DOCK5: variants seen among roughly 807,000 people sequenced by gnomAD.
DOCK5 encodes the protein dedicator of cytokinesis protein 5.
Under a neutral mutation model 251.8 loss-of-function variants are expected in DOCK5, and 142 were observed. The observed-to-expected ratio is 0.56, with a 90% CI of 0.49 to 0.65. The LOEUF is 0.65. Ranked by LOEUF, DOCK5 falls within the 30% of genes least tolerant of loss-of-function variation. The pLI is 0.00. For synonymous variants in DOCK5, 842 were observed against 835.5 expected (o/e 1.01, Z -0.13); for missense variants, 2,111 against 2,312.3 (o/e 0.91, Z 1.79).
At chr8:25,409,680 C>T (rs2117350119) in intron 50 of DOCK5, 1 of 156,034 alleles carries the variant, frequency 6.4e-6, no homozygotes. Flanking sequence ...CCCATCTGTA[C>T]TAAAAAATAC....
chr8:25,194,733 C>G lies in DOCK5; in HGVS notation c.43+9782C>G, dbSNP rs138035980. On this transcript the variant is annotated intron_variant, in intron 1 of 51. Transcript: ENST00000276440. Reference sequence around the variant, plus strand: ...GTTTGGATCCTCTCTAACCCCAGAACCGCACTTTCCCCAGTTTCTTGCTGT... The same window carrying G: ...GTTTGGATCCTCTCTAACCCCAGAAGCGCACTTTCCCCAGTTTCTTGCTGT... 4.7e-3 allele frequency among the ~76,000 whole-genome samples: 709 copies of G among 152,312 alleles called. 3 individuals carry two copies. The highest frequency in any genetic ancestry group is 0.016 in the African/African-American group (680 of 41,574).
At chr8:25,221,603 G>A (rs569462743) in intron 1 of DOCK5, among the ~76,000 whole-genome samples, 19 of 151,894 alleles carry the variant, frequency 1.3e-4, no homozygotes, top group Admixed American at 2.6e-4. Context: ...CACTGTGCCC[G>A]GCCCATTCTG....
Position 25,408,173 on chromosome 8 carries a change from A to G in DOCK5, c.5265+19A>G, listed in dbSNP as rs555459494. 76 of 1,554,106 alleles carry G rather than the reference A, an allele frequency of 4.9e-5. No homozygotes were observed. In the African/African-American group the frequency reaches 6.5e-4, roughly 13 times the overall value. ...TTTGATGGTAAAAAACAGAAAAGAA[A>G]AAAAGAAATCTCTGGAGGCTTGCCC... On this transcript the variant is annotated intron_variant, in intron 49 of 51. Transcript: ENST00000276440.
At chr8:25,305,745 T>A (rs115441152) in intron 11 of DOCK5, among the ~76,000 whole-genome samples, 1 of 152,268 alleles carries the variant, frequency 6.6e-6, no homozygotes, top group East Asian at 1.9e-4. Flanking sequence ...GACCACACTT[T>A]AGTGTTTGGG....
At chr8:25,258,159 A>G (rs376129160) in intron 2 of DOCK5, among the ~76,000 whole-genome samples, 1 of 151,816 alleles carries the variant, frequency 6.6e-6, no homozygotes, top group South Asian at 2.1e-4. Flanking sequence ...TTTGCAGTGG[A>G]AATTTGGATA....
intron 1 of DOCK5, among the ~76,000 whole-genome samples, chr8:25,242,329 G>A (rs559194442): frequency 6.6e-6 from 1 of 152,114 alleles, no homozygotes; most frequent in East Asian, 1.9e-4. Context: ...CTCTTTGTAG[G>A]TACCTAGGAA....
Position 25,389,142 on chromosome 8 carries a change from A to C in DOCK5, c.4183A>C (p.Ser1395Arg), listed in dbSNP as rs2117315750. 1 of 1,614,022 alleles carries C rather than the reference A, an allele frequency of 6.2e-7. No individual in the cohort carries two copies. Among genetic ancestry groups the C allele is most frequent in the East Asian group, 2.2e-5 (1 of 44,876 alleles). The change falls in exon 41 of 52, where the codon AGC (serine) becomes CGC (arginine). Residue 1395 changes from serine to arginine, a missense_variant. By Grantham distance (110) the Ser-to-Arg change is moderately radical. Around this residue, in one of 3 missense-constraint regions of DOCK5, gnomAD observed 1,717 missense variants for 1,892.4 expected, o/e 0.91. Transcript: ENST00000276440. ...GGAGTATGAGAGGCGAGAGGACTTC[A>C]GCCTGAGGTTGTTAACCCAGTTCCC... ...GKEYERREDF[S>R]LRLLTQFPNA...
chr8:25,346,495 C>T lies in DOCK5; in HGVS notation c.2754+884C>T, dbSNP rs2956660. Among the ~76,000 whole-genome samples, 684 of 152,030 alleles carry T rather than the reference C, an allele frequency of 4.5e-3. 1 individual carries two copies. Among genetic ancestry groups the T allele is most frequent in the Admixed American group, 0.01 (155 of 15,268 alleles). ...ATGGAAATTATGTTTTCTCATCTTGCGTTTTCTCTGTGACCTGGCCCCCAT... is the reference window on the plus strand; with the variant it reads ...ATGGAAATTATGTTTTCTCATCTTGTGTTTTCTCTGTGACCTGGCCCCCAT... On this transcript the variant is annotated intron_variant, in intron 26 of 51. Transcript: ENST00000276440.
chr8:25,340,967 G>A lies in DOCK5; in HGVS notation c.2418G>A (p.Leu806=). The A allele has an allele frequency of 6.2e-7, 1 of 1,612,490 alleles. No homozygotes were observed. The highest frequency in any genetic ancestry group is 2.2e-5 in the East Asian group (1 of 44,856). Residue 806 remains leucine (L), a synonymous_variant, in exon 23 of 52, where the codon CTG becomes CTA. Coordinates refer to ENST00000276440, the MANE Select transcript of DOCK5 (RefSeq NM_024940.8). ...LAFNMLMDRP[L]EEAVKIKGAA... is the part of the protein sequence containing the mutation. ...TCAATATGCTGATGGACAGGCCTCT[G>A]GAGGAAGCCGTCAAGATCAAGGTCA...
intron 6 of DOCK5, 100 bp downstream of exon 6, chr8:25,292,272 C>A (rs1211214297): frequency 2.3e-6 from 3 of 1,310,674 alleles, no homozygotes; most frequent in Non-Finnish European, 3.0e-6. Context: ...CTTAGAGTTG[C>A]CAAAGAATAA....
At position 25,403,650 on chromosome 8, in the gene DOCK5, C is replaced by T; in HGVS notation, c.5019C>T (p.Thr1673=). The change falls in exon 48 of 52, where the codon ACC becomes ACT. Residue 1673 remains threonine (T), a synonymous_variant. Transcript: ENST00000276440. ...CCACTCTGCGGAGGTTGTCCATCAC[C>T]TCAGTCACTTCCTCTGTGGTTTCCA... is the stretch of plus-strand genomic sequence containing the variant. ...MSSTLRRLSI[T]SVTSSVVSTS... is the part of the protein sequence containing the mutation. 2 of 1,614,008 alleles carry T rather than the reference C, an allele frequency of 1.2e-6. No individual in the cohort carries two copies. Among genetic ancestry groups the T allele is most frequent in the Non-Finnish European group, 1.7e-6 (2 of 1,179,888 alleles).
At position 25,290,946 on chromosome 8, in the gene DOCK5, G is replaced by A. The variant is rs146968647; in HGVS notation, c.322-1078G>A. On this transcript the variant is annotated intron_variant, in intron 5 of 51. Coordinates refer to ENST00000276440, the MANE Select transcript of DOCK5 (RefSeq NM_024940.8). ...AGAGGGTGTAGTGTGAGTCAGAAAA[G>A]GATAGGGGTGGGGTAGATTTGGAGG... is the stretch of plus-strand genomic sequence containing the variant. Among the ~76,000 whole-genome samples, 312 of 152,302 alleles carry A rather than the reference G, an allele frequency of 2.0e-3. 4 individuals carry two copies. Among genetic ancestry groups the A allele is most frequent in the African/African-American group, 7.3e-3 (303 of 41,568 alleles).
chr8:25,298,619 G>A (rs943561125), intron 7 of DOCK5, among the ~76,000 whole-genome samples: 1 of 152,116 alleles, frequency 6.6e-6, no homozygotes, highest in Admixed American at 6.6e-5. Flanking sequence ...CTGATTGATT[G>A]AGACAGGGTC....
chr8:25,210,021 T>TGTAG, intron 1 of DOCK5, among the ~76,000 whole-genome samples: 1 of 27,434 alleles, frequency 3.6e-5, no homozygotes, highest in African/African-American at 8.5e-5. Context: ...TATATATATA[T>TGTAG]ATATATATAT....
intron 7 of DOCK5, among the ~76,000 whole-genome samples, chr8:25,298,467 C>T (rs1021884765): frequency 6.6e-6 from 1 of 152,214 alleles, no homozygotes; most frequent in African/African-American, 2.4e-5. Flanking sequence ...AGGCCCTGAA[C>T]AGGACAGTCT....
At chr8:25,238,905 G>A (rs1372040089) in intron 1 of DOCK5, among the ~76,000 whole-genome samples, 2 of 152,160 alleles carry the variant, frequency 1.3e-5, no homozygotes, top group East Asian at 1.9e-4. Context: ...AATGTGTAAC[G>A]AGGGCCCCAA....
At chr8:25,298,887 C>A in intron 7 of DOCK5, 57 bp from the exon 8 acceptor site, 1 of 1,524,214 alleles carries the variant, frequency 6.6e-7, no homozygotes, top group Non-Finnish European at 8.8e-7. Flanking sequence ...TTTATTTTTG[C>A]CAACATTTCC....
In DOCK5 at chr8:25,244,640, C is replaced by T. The variant is rs184504444; in HGVS notation, c.127+883C>T. Among the ~76,000 whole-genome samples, 6 of 152,232 alleles carry T rather than the reference C, an allele frequency of 3.9e-5. No homozygotes were observed. The East Asian group carries it at 5.8e-4, about 15-fold the overall frequency. On this transcript the variant is annotated intron_variant, in intron 2 of 51. Coordinates refer to ENST00000276440, the MANE Select transcript of DOCK5 (RefSeq NM_024940.8). ...TGATGGTGAAACGGCAGAGATGGTCCGCGAGGACCCCGTGCAGGTTCCTAG... is the reference window on the plus strand; with the variant it reads ...TGATGGTGAAACGGCAGAGATGGTCTGCGAGGACCCCGTGCAGGTTCCTAG...
chr8:25,385,457 G>C lies in DOCK5; in HGVS notation c.4131+2679G>C, dbSNP rs555507056. Among the ~76,000 whole-genome samples, 150 of 152,238 alleles carry C rather than the reference G, an allele frequency of 9.9e-4. 2 individuals carry two copies. In the South Asian group the frequency reaches 0.031, roughly 31 times the overall value. On this transcript the variant is annotated intron_variant, in intron 40 of 51. Transcript: ENST00000276440. ...TGATGGGCTGTGTGGGTGAGGAAGT[G>C]AGAGTTGTCAAGAATGATTTCTGGG...
Sources: gnomAD v4.1 joint callset for allele counts (sites outside exome capture counted in the v4.1 genomes callset) on GRCh38, gnomAD v4.1.1 for gene constraint, gnomAD v4.1.1 regional missense constraint, MANE v1.5 for transcripts, NCBI Gene and HGNC (gene_info 2026-07-23, HGNC 2026-07-21) for gene names.